The following VCL variants were observed in gnomAD, a reference collection of about 807,000 sequenced individuals.
VCL encodes vinculin.
Under a neutral mutation model 125.7 loss-of-function variants are expected in VCL, and 47 were observed. The ratio of observed to expected loss-of-function variants is 0.37; its 90% confidence interval spans 0.30 to 0.48. The LOEUF (loss-of-function observed/expected upper bound fraction) is 0.48, where lower values mean the gene tolerates loss of function less well. VCL is among the 20% of genes least tolerant of loss of function. The pLI is 0.99. For synonymous variants in VCL, 458 were observed against 514.6 expected (o/e 0.89, Z 1.49); for missense variants, 1,069 against 1,455.5 (o/e 0.73, Z 4.32).
At chr10:74,096,889 T>C (rs1839977883) in intron 12 of VCL, among the ~76,000 whole-genome samples, 1 of 152,222 alleles carries the variant, frequency 6.6e-6, no homozygotes, top group Admixed American at 6.5e-5. Context: ...TGGGCCTTCT[T>C]TGGGCTCAAC....
chr10:74,009,026 CTG>C (rs1407799540), intron 1 of VCL, among the ~76,000 whole-genome samples: 1 of 152,100 alleles, frequency 6.6e-6, no homozygotes, highest in Non-Finnish European at 1.5e-5. Flanking sequence ...AAATTCAAGT[CTG>C]TAATAAGACT....
intron 6 of VCL, among the ~76,000 whole-genome samples, chr10:74,081,009 C>G (rs989774012): frequency 3.3e-5 from 5 of 152,304 alleles, no homozygotes; most frequent in Non-Finnish European, 7.4e-5. Context: ...CTTAAAAATA[C>G]CACATATCTT....
At chr10:74,094,559 G>T in intron 11 of VCL, 98 bp downstream of exon 11, 1 of 1,377,374 alleles carries the variant, frequency 7.3e-7, no homozygotes, top group Non-Finnish European at 1.0e-6. Flanking sequence ...TTAGGTAAGG[G>T]TTCTTTAGCT....
chr10:74,000,284 CAGGG>C (rs1840202991), intron 1 of VCL, among the ~76,000 whole-genome samples: 1 of 116,854 alleles, frequency 8.6e-6, no homozygotes, highest in Non-Finnish European at 1.7e-5. Context: ...TTTTTTGAGA[CAGGG>C]TCTCGCTCTG....
At position 74,101,116 on chromosome 10, in the gene VCL, C is replaced by T. The variant is rs1343733588; in HGVS notation, c.2022+19C>T. The T allele has an allele frequency of 6.2e-7, 1 of 1,611,068 alleles. No homozygotes were observed. Among genetic ancestry groups the T allele is most frequent in the Non-Finnish European group, 8.5e-7 (1 of 1,178,432 alleles). ...ACCCCAGGTTGGGTTTTGCTCATTC[C>T]TCATACAGTGTTCAGTAAAGAAAGT... On this transcript the variant is annotated intron_variant, in intron 14 of 21. Coordinates refer to ENST00000211998, the MANE Select transcript of VCL (RefSeq NM_014000.3).
intron 1 of VCL, among the ~76,000 whole-genome samples, chr10:74,003,409 CT>C (rs1157123210): frequency 6.6e-6 from 1 of 152,134 alleles, no homozygotes; most frequent in African/African-American, 2.4e-5. Context: ...AGACTGAGTA[CT>C]TTGTAGCATG....
intron 1 of VCL, among the ~76,000 whole-genome samples, chr10:74,008,265 G>A (rs2136224854): frequency 6.6e-6 from 1 of 152,296 alleles, no homozygotes; most frequent in Non-Finnish European, 1.5e-5. Flanking sequence ...GGCTTTGACT[G>A]AAACAAGTGA....
At chr10:74,065,525 A>G (rs1046932475) in intron 2 of VCL, among the ~76,000 whole-genome samples, 1 of 152,022 alleles carries the variant, frequency 6.6e-6, no homozygotes, top group Non-Finnish European at 1.5e-5. Context: ...CTCCATCGCT[A>G]CAAAAAATAA....
intron 2 of VCL, among the ~76,000 whole-genome samples, chr10:74,057,588 T>C (rs1240431164): frequency 6.6e-6 from 1 of 152,144 alleles, no homozygotes; most frequent in East Asian, 1.9e-4. Flanking sequence ...TTTAATATTA[T>C]CTTCAAATAA....
At chr10:74,092,034 G>A (rs998147425) in intron 10 of VCL, among the ~76,000 whole-genome samples, 8 of 151,696 alleles carry the variant, frequency 5.3e-5, no homozygotes, top group African/African-American at 9.7e-5. Context: ...TCAGCCTCCC[G>A]AGTAGCTGGG....
At chr10:74,091,092 C>T (rs1839875495) in intron 10 of VCL, among the ~76,000 whole-genome samples, 1 of 152,152 alleles carries the variant, frequency 6.6e-6, no homozygotes, top group Non-Finnish European at 1.5e-5. Flanking sequence ...TGAGCCACTG[C>T]ACCTAACTGC....
chr10:74,110,304 GAATT>G (rs2131935173), intron 18 of VCL, among the ~76,000 whole-genome samples: 1 of 152,204 alleles, frequency 6.6e-6, no homozygotes, highest in South Asian at 2.1e-4. Context: ...AAATATACAT[GAATT>G]ATTTAAAAAA....
intron 1 of VCL, among the ~76,000 whole-genome samples, chr10:74,036,829 C>T (rs1246734427): frequency 1.3e-5 from 2 of 151,974 alleles, no homozygotes; most frequent in East Asian, 3.9e-4. Flanking sequence ...ATTTTCCCAC[C>T]AGCTATGAAG....
chr10:74,093,750 G>A (rs944987398), intron 10 of VCL, among the ~76,000 whole-genome samples: 1 of 152,128 alleles, frequency 6.6e-6, no homozygotes, highest in African/African-American at 2.4e-5. Flanking sequence ...CCTGCTGTGA[G>A]CCATGATCTC....
intron 13 of VCL, among the ~76,000 whole-genome samples, chr10:74,098,319 T>C (rs1180551300): frequency 6.6e-6 from 1 of 152,216 alleles, no homozygotes; most frequent in African/African-American, 2.4e-5. Flanking sequence ...ACTATCCCCA[T>C]GGATTTCTTC....
Position 74,016,022 on chromosome 10 carries a change from G to T in VCL, c.168+17647G>T, listed in dbSNP as rs111695647. On this transcript the variant is annotated intron_variant, in intron 1 of 21. Coordinates refer to ENST00000211998, the MANE Select transcript of VCL (RefSeq NM_014000.3). ...ATTTATTTGCTTTTGTAAATAATGGGGTCTCCCTGTGTTTCCCAGGCTGGT... is the reference window on the plus strand; with the variant it reads ...ATTTATTTGCTTTTGTAAATAATGGTGTCTCCCTGTGTTTCCCAGGCTGGT... 4.8e-3 allele frequency among the ~76,000 whole-genome samples: 722 copies of T among 151,940 alleles called. 4 individuals are homozygous for T. Among genetic ancestry groups the T allele is most frequent in the African/African-American group, 0.016 (659 of 41,434 alleles).
At chr10:74,047,832 C>T (rs1333905624) in intron 2 of VCL, among the ~76,000 whole-genome samples, 1 of 152,184 alleles carries the variant, frequency 6.6e-6, no homozygotes, top group African/African-American at 2.4e-5. Context: ...GGGTTTAATA[C>T]ATTTAAAATG....
At chr10:74,040,996 A>C (rs990027164) in intron 1 of VCL, among the ~76,000 whole-genome samples, 3 of 152,160 alleles carry the variant, frequency 2.0e-5, no homozygotes, top group Non-Finnish European at 4.4e-5. Context: ...AGCTGGGACC[A>C]TAGGTGTGAG....
chr10:74,072,301 TC>T (rs1351802778), intron 4 of VCL, among the ~76,000 whole-genome samples: 1 of 152,140 alleles, frequency 6.6e-6, no homozygotes, highest in East Asian at 1.9e-4. Flanking sequence ...ACAAAACATA[TC>T]ATTGTTATTC....
Sources: gnomAD v4.1 joint callset for allele counts (sites outside exome capture counted in the v4.1 genomes callset) on GRCh38, gnomAD v4.1.1 for gene constraint, MANE v1.5 for transcripts, NCBI Gene and HGNC (gene_info 2026-07-23, HGNC 2026-07-21) for gene names.